Variants in AKAP12 observed in about 807,000 individuals in gnomAD.
AKAP12 encodes A-kinase anchoring protein 12, also known as A-kinase anchor protein 12.
A neutral mutation model predicts 79.9 loss-of-function variants in AKAP12; 32 were observed. The observed-to-expected ratio is 0.40, with a 90% CI of 0.30 to 0.54. The LOEUF is 0.54. Ranked by LOEUF, AKAP12 falls within the 20% of genes least tolerant of loss-of-function variation. The pLI, the probability that AKAP12 is intolerant of heterozygous loss-of-function variation, is 0.48. For missense variants in AKAP12, 2,074 were observed against 2,177.0 expected, an observed-to-expected ratio of 0.95 and a Z score of 0.94; for synonymous variants, 808 against 857.0, an observed-to-expected ratio of 0.94 and a Z score of 1.00.
At chr6:151,261,733 TTTTATTTATTTATTTATTTATTTA>T (rs59211098) in intron 2 of AKAP12, among the ~76,000 whole-genome samples, 4 of 143,954 alleles carry the variant, frequency 2.8e-5, no homozygotes, top group Non-Finnish European at 6.0e-5. Context: ...GTTTTTATTA[TTTTATTTATTTATTTATTTATTTA>T]TTTATTTATT....
chr6:151,347,516 G>A (rs7742270), intron 3 of AKAP12, among the ~76,000 whole-genome samples: 2,252 of 152,308 alleles, frequency 0.015, 54 homozygotes, highest in African/African-American at 0.052. Context: ...ACTCTTAGAG[G>A]TGCCGTGACT....
chr6:151,261,499 A>G (rs1797433212), intron 2 of AKAP12, among the ~76,000 whole-genome samples: 2 of 151,948 alleles, frequency 1.3e-5, no homozygotes, highest in Non-Finnish European at 2.9e-5. Flanking sequence ...GAGACCACGC[A>G]AAAATACAAC....
intron 3 of AKAP12, among the ~76,000 whole-genome samples, chr6:151,319,039 AAGAAAT>A (rs1777300138): frequency 6.6e-6 from 1 of 152,220 alleles, no homozygotes; most frequent in African/African-American, 2.4e-5. Flanking sequence ...TGCCTAGGTA[AAGAAAT>A]AAATATATGT....
At chr6:151,355,249 A>G (rs1778413384) in intron 4 of AKAP12, among the ~76,000 whole-genome samples, 1 of 151,642 alleles carries the variant, frequency 6.6e-6, no homozygotes, top group Admixed American at 6.6e-5. Context: ...TCGGCCTCCT[A>G]AAGTGCTGGG....
chr6:151,303,258 C>A (rs919825225), intron 2 of AKAP12, among the ~76,000 whole-genome samples: 2 of 152,118 alleles, frequency 1.3e-5, no homozygotes, highest in African/African-American at 4.8e-5. Flanking sequence ...GACACACTGC[C>A]CCCTTCTCCA....
chr6:151,240,623 A>G lies in AKAP12; in HGVS notation c.61A>G (p.Thr21Ala). 1 of 1,389,130 alleles carries G rather than the reference A, an allele frequency of 7.2e-7. No homozygotes were observed. The highest frequency in any genetic ancestry group is 9.3e-7 in the Non-Finnish European group (1 of 1,074,690). 86.1% of individuals were successfully genotyped at this position (1,389,130 alleles called of 1,614,324 possible). Reference protein sequence around the residue: ...SPEQPPEGSSTPAEPEPSGGG... With the variant: ...SPEQPPEGSSAPAEPEPSGGG... ...GGAGCAGCCGCCCGAGGGGAGCTCCACGCCGGCTGAGCCCGAGCCCAGCGG... is the reference window on the plus strand; with the variant it reads ...GGAGCAGCCGCCCGAGGGGAGCTCCGCGCCGGCTGAGCCCGAGCCCAGCGG... The change falls in exon 2 of 5, where the codon ACG becomes GCG. Residue 21 changes from threonine to alanine, a missense_variant. Coordinates refer to ENST00000402676, the MANE Select transcript of AKAP12 (RefSeq NM_005100.4).
intron 2 of AKAP12, among the ~76,000 whole-genome samples, chr6:151,261,471 A>G (rs1797432215): frequency 6.6e-6 from 1 of 152,044 alleles, no homozygotes. Flanking sequence ...CGGGTGGATC[A>G]ACTGAGGTCG....
chr6:151,334,455 C>T (rs925117173), intron 3 of AKAP12, among the ~76,000 whole-genome samples: 7 of 151,816 alleles, frequency 4.6e-5, no homozygotes, highest in East Asian at 2.0e-4. Flanking sequence ...TTTAGCGGGG[C>T]GTGGTGGTGA....
rs568543918 is a variant in AKAP12, at chr6:151,255,453, G to A, written c.162+14729G>A. Reference sequence around the variant, plus strand: ...TGGGATTACAGGCGTGAGCCACCGCGCCTGGCTGGGATTGATAAATGTTGT... The same window carrying A: ...TGGGATTACAGGCGTGAGCCACCGCACCTGGCTGGGATTGATAAATGTTGT... On this transcript the variant is annotated intron_variant, in intron 2 of 4. Coordinates refer to ENST00000402676, the MANE Select transcript of AKAP12 (RefSeq NM_005100.4). Among the ~76,000 whole-genome samples the A allele has an allele frequency of 2.1e-3, 325 of 151,974 alleles. 2 individuals are homozygous for A. Among genetic ancestry groups the A allele is most frequent in the Admixed American group, 3.5e-3 (54 of 15,270 alleles).
chr6:151,289,277 G>A (rs1474880669), intron 2 of AKAP12, among the ~76,000 whole-genome samples: 2 of 152,148 alleles, frequency 1.3e-5, no homozygotes, highest in African/African-American at 2.4e-5. Context: ...CACCCCTAAT[G>A]TTGAGAGAGA....
chr6:151,250,766 C>T (rs1047932452), intron 2 of AKAP12, among the ~76,000 whole-genome samples: 3 of 151,646 alleles, frequency 2.0e-5, no homozygotes, highest in Non-Finnish European at 2.9e-5. Context: ...CCACCACGCC[C>T]GGCTAATTTT....
intron 2 of AKAP12, among the ~76,000 whole-genome samples, chr6:151,259,938 T>C (rs1390137702): frequency 6.6e-6 from 1 of 151,698 alleles, no homozygotes; most frequent in East Asian, 1.9e-4. Context: ...ATTAACAATG[T>C]GAATGAAGGA....
At chr6:151,348,534 G>A (rs893182192) in intron 3 of AKAP12, among the ~76,000 whole-genome samples, 177 bp from the exon 4 acceptor site, 5 of 152,090 alleles carry the variant, frequency 3.3e-5, no homozygotes, top group Non-Finnish European at 4.4e-5. Flanking sequence ...AGCTACTCGG[G>A]ATGCTGAGGT....
chr6:151,296,388 T>C (rs982091097), intron 2 of AKAP12, among the ~76,000 whole-genome samples: 3 of 152,246 alleles, frequency 2.0e-5, no homozygotes, highest in African/African-American at 7.2e-5. Context: ...TATTTTTCTT[T>C]TGCAGATTGC....
intron 3 of AKAP12, among the ~76,000 whole-genome samples, chr6:151,312,992 C>G (rs1203629926): frequency 6.6e-6 from 1 of 152,124 alleles, no homozygotes; most frequent in Non-Finnish European, 1.5e-5. Flanking sequence ...AGTTGGAGTT[C>G]ACAGTATTAC....
intron 3 of AKAP12, among the ~76,000 whole-genome samples, chr6:151,317,052 T>G (rs1020106072): frequency 5.9e-5 from 9 of 152,212 alleles, no homozygotes; most frequent in Admixed American, 5.2e-4. Flanking sequence ...AGTTAGGACT[T>G]CAAATGTGAA....
intron 3 of AKAP12, among the ~76,000 whole-genome samples, chr6:151,345,364 C>T (rs929655272): frequency 3.9e-5 from 6 of 151,970 alleles, no homozygotes; most frequent in Admixed American, 1.3e-4. Context: ...CGTGAGCCAC[C>T]GCGCCTGGCT....
At chr6:151,319,443 G>GTCTGTCTA (rs138866345) in intron 3 of AKAP12, among the ~76,000 whole-genome samples, 106 of 140,314 alleles carry the variant, frequency 7.6e-4, no homozygotes, top group African/African-American at 1.7e-3. Flanking sequence ...ACAGGTGTCT[G>GTCTGTCTA]TCTATCTATC....
At chr6:151,336,020 T>A (rs1317231269) in intron 3 of AKAP12, among the ~76,000 whole-genome samples, 1 of 152,216 alleles carries the variant, frequency 6.6e-6, no homozygotes, top group Non-Finnish European at 1.5e-5. Context: ...TATGCAGCAT[T>A]TTACTTTCTG....
Sources: gnomAD v4.1 joint callset for allele counts (sites outside exome capture counted in the v4.1 genomes callset) on GRCh38, gnomAD v4.1.1 for gene constraint, MANE v1.5 for transcripts, NCBI Gene and HGNC (gene_info 2026-07-23, HGNC 2026-07-21) for gene names.